WASF3: variants seen among roughly 807,000 people sequenced by gnomAD.
The protein encoded by WASF3 is actin-binding protein WASF3.
WASF3 carries 11 observed loss-of-function variants against 46.6 expected under a neutral mutation model. The observed-to-expected ratio is 0.24, with a 90% CI of 0.15 to 0.39. The LOEUF is 0.39. Among genes scored for constraint, WASF3 ranks in the 10% least tolerant of loss-of-function variants. WASF3 has a pLI of 1.00. For synonymous variants in WASF3, 242 were observed against 259.7 expected (o/e 0.93, Z 0.65); for missense variants, 576 against 669.8 (o/e 0.86, Z 1.55).
chr13:26,604,785 C>G (rs1240202787), intron 1 of WASF3, among the ~76,000 whole-genome samples: 1 of 152,164 alleles, frequency 6.6e-6, no homozygotes, highest in Admixed American at 6.5e-5. Flanking sequence ...GGATTTGTTT[C>G]AAGGTTTAAA....
intron 2 of WASF3, 30 bp from the exon 3 acceptor site, chr13:26,642,231 G>A: frequency 6.7e-7 from 1 of 1,492,628 alleles, no homozygotes; most frequent in South Asian, 1.4e-5. Context: ...GTGAATATGA[G>A]CTTATAAAGA....
intron 3 of WASF3, among the ~76,000 whole-genome samples, chr13:26,647,694 C>T (rs1188672722): frequency 2.7e-5 from 4 of 150,358 alleles, no homozygotes; most frequent in Non-Finnish European, 4.4e-5. Flanking sequence ...AGCTGTTTTT[C>T]GCTCCTCCCC....
At chr13:26,671,234 T>C (rs1368798372) in intron 5 of WASF3, among the ~76,000 whole-genome samples, 3 of 152,212 alleles carry the variant, frequency 2.0e-5, no homozygotes, top group Non-Finnish European at 4.4e-5. Flanking sequence ...TAAAATATTC[T>C]TTAGACCACA....
intron 6 of WASF3, among the ~76,000 whole-genome samples, chr13:26,674,349 C>T (rs1228820821): frequency 2.6e-5 from 4 of 152,256 alleles, no homozygotes; most frequent in Middle Eastern, 3.4e-3. Context: ...ATTTTTAATA[C>T]GATGGTTCTT....
intron 1 of WASF3, among the ~76,000 whole-genome samples, chr13:26,574,467 T>A (rs1879732110): frequency 6.6e-6 from 1 of 152,194 alleles, no homozygotes; most frequent in Non-Finnish European, 1.5e-5. Context: ...TGTCTTGATT[T>A]TTTTTTTGTC....
At chr13:26,623,251 G>A (rs1033205398) in intron 2 of WASF3, among the ~76,000 whole-genome samples, 2 of 152,170 alleles carry the variant, frequency 1.3e-5, no homozygotes, top group African/African-American at 4.8e-5. Context: ...TTATGAGCAA[G>A]CCTGGAGACT....
At chr13:26,620,957 C>T (rs1329670330) in intron 2 of WASF3, among the ~76,000 whole-genome samples, 3 of 152,146 alleles carry the variant, frequency 2.0e-5, no homozygotes, top group Admixed American at 1.3e-4. Context: ...GTTGTTGAGG[C>T]TGTATAGCAA....
Position 26,648,069 on chromosome 13 carries a change from C to T in WASF3, c.133+5666C>T, listed in dbSNP as rs1055796816. Among the ~76,000 whole-genome samples the T allele has an allele frequency of 8.6e-5, 13 of 151,962 alleles. No homozygotes were observed. The South Asian group carries it at 1.7e-3, about 19-fold the overall frequency. ...GGACATATAGTTATTTGTGGGGGAA[C>T]GCTATTATAAATTCTTACTCAAAAT... On this transcript the variant is annotated intron_variant, in intron 3 of 9. Transcript: ENST00000335327.
At chr13:26,600,384 G>A (rs907989235) in intron 1 of WASF3, among the ~76,000 whole-genome samples, 1 of 152,130 alleles carries the variant, frequency 6.6e-6, no homozygotes, top group Admixed American at 6.5e-5. Flanking sequence ...TGTAAAATGG[G>A]GATATTAATA....
chr13:26,652,612 C>T (rs73168061), intron 3 of WASF3, among the ~76,000 whole-genome samples: 1,905 of 151,896 alleles, frequency 0.013, 16 homozygotes, highest in Non-Finnish European at 0.019. Context: ...ATCTGGTAGG[C>T]CATAAAATAG....
At chr13:26,555,035 C>A (rs1879067545), upstream of WASF3, among the ~76,000 whole-genome samples, 2 of 152,134 alleles carry the variant, frequency 1.3e-5, no homozygotes, top group African/African-American at 4.8e-5. Context: ...TGTATCCTTG[C>A]CAGTATTTGG....
chr13:26,574,288 A>G (rs908691145), intron 1 of WASF3, among the ~76,000 whole-genome samples: 14 of 152,060 alleles, frequency 9.2e-5, no homozygotes, highest in Non-Finnish European at 1.6e-4. Context: ...TTTTTTTCCT[A>G]TGCTCTGCTT....
chr13:26,616,891 A>G (rs1009085212), intron 2 of WASF3, among the ~76,000 whole-genome samples: 3 of 152,208 alleles, frequency 2.0e-5, no homozygotes, highest in Admixed American at 2.0e-4. Context: ...CTGAAGTACT[A>G]CAAGGTCAGA....
At chr13:26,596,551 T>C (rs759929163) in intron 1 of WASF3, among the ~76,000 whole-genome samples, 11 of 152,208 alleles carry the variant, frequency 7.2e-5, no homozygotes, top group Non-Finnish European at 1.5e-4. Flanking sequence ...TTCCTCTGGT[T>C]GCTTTGAGTA....
intron 1 of WASF3, among the ~76,000 whole-genome samples, chr13:26,596,787 A>G (rs1236491401): frequency 6.6e-6 from 1 of 151,986 alleles, no homozygotes; most frequent in East Asian, 1.9e-4. Context: ...ATTATTTCTC[A>G]GCTCTTGGGC....
chr13:26,569,474 G>A (rs1020460487), intron 1 of WASF3, among the ~76,000 whole-genome samples: 6 of 152,154 alleles, frequency 3.9e-5, no homozygotes, highest in Admixed American at 6.5e-5. Context: ...AAGATATTAC[G>A]GTGAGAATTA....
At chr13:26,565,104 C>T (rs1322099956) in intron 1 of WASF3, among the ~76,000 whole-genome samples, 12 of 148,562 alleles carry the variant, frequency 8.1e-5, no homozygotes, top group South Asian at 2.1e-4. Flanking sequence ...GGCTTGAAAC[C>T]GGGAGGTGGT....
chr13:26,543,872 T>C, the WASF3 span, among the ~76,000 whole-genome samples: 1 of 152,208 alleles, frequency 6.6e-6, no homozygotes, highest in African/African-American at 2.4e-5. Flanking sequence ...AATCAATATG[T>C]CATTAGCTGT....
intron 1 of WASF3, among the ~76,000 whole-genome samples, chr13:26,581,112 A>T (rs888681093): frequency 1.3e-4 from 19 of 151,830 alleles, no homozygotes; most frequent in Admixed American, 1.0e-3. Flanking sequence ...TTGTATTTTT[A>T]GAAGAGATGG....
Sources: allele counts gnomAD v4.1 joint callset (sites outside exome capture counted in the v4.1 genomes callset), GRCh38; gene constraint gnomAD v4.1.1; transcripts MANE v1.5; gene names NCBI Gene and HGNC (gene_info 2026-07-23, HGNC 2026-07-21).